Variants in EGFR observed in about 807,000 individuals in gnomAD.
EGFR encodes the protein avian erythroblastic leukemia viral (v-erb-b) oncogene homolog.
In EGFR, 58 loss-of-function variants were observed where a neutral mutation model predicts 143.0. The ratio of observed to expected loss-of-function variants is 0.41; its 90% CI spans 0.33 to 0.50. The LOEUF (loss-of-function observed/expected upper bound fraction) is 0.50. Ranked by LOEUF, EGFR falls within the 20% of genes least tolerant of loss-of-function variation. The pLI, the probability that EGFR is intolerant of heterozygous loss-of-function variation, is 0.39. For synonymous variants in EGFR, 613 were observed against 594.4 expected, an observed-to-expected ratio of 1.03 and a Z score of -0.45; for missense variants, 1,307 against 1,579.0, an observed-to-expected ratio of 0.83 and a Z score of 2.92.
intron 10 of EGFR, among the ~76,000 whole-genome samples, chr7:55,157,461 G>C (rs569404989): frequency 2.6e-5 from 4 of 152,344 alleles, no homozygotes; most frequent in South Asian, 4.1e-4. Flanking sequence ...CGGAAGGCGG[G>C]AGGCAGCTGT....
intron 1 of EGFR, among the ~76,000 whole-genome samples, chr7:55,092,135 T>A (rs940127566): frequency 2.6e-5 from 4 of 152,330 alleles, no homozygotes; most frequent in Admixed American, 6.5e-5. Context: ...TCTTCCATGC[T>A]GCTTGTGGTT....
intron 14 of EGFR, among the ~76,000 whole-genome samples, chr7:55,164,717 C>G (rs556856321): frequency 6.6e-6 from 1 of 152,178 alleles, no homozygotes; most frequent in African/African-American, 2.4e-5. Flanking sequence ...GGGCACACAA[C>G]CTGAGCAGTG....
rs1342670744 is a variant in EGFR at position 55,205,622 on chromosome 7, G to A, written c.*5G>A. The A allele has an allele frequency of 8.7e-6, 14 of 1,614,148 alleles. No individual in the cohort carries two copies. The South Asian group carries it at 1.2e-4, about 14-fold the overall frequency. ...AGTGAATTTATTGGAGCATGACCAC[G>A]GAGGATAGTATGAGCCCTAAAAATC... On this transcript the variant is annotated 3_prime_UTR_variant, in exon 28 of 28. Transcript: ENST00000275493.
intron 1 of EGFR, among the ~76,000 whole-genome samples, chr7:55,071,537 G>A (rs1004675239): frequency 6.6e-6 from 1 of 152,198 alleles, no homozygotes; most frequent in Non-Finnish European, 1.5e-5. Context: ...CACCTGCCCT[G>A]CCTTCACTGG....
chr7:55,207,689 A>T lies in EGFR; in HGVS notation c.*2072A>T, dbSNP rs946216230. ...AGAGGCCTCCACTGCTAAAGTCCAC[A>T]TAAGGCTGAGGTCAGTCACCCTAAA... On this transcript the variant is annotated 3_prime_UTR_variant, in exon 28 of 28. Transcript: ENST00000275493. The T allele has an allele frequency of 1.3e-5, 2 of 153,294 alleles. No individual in the cohort carries two copies. Among genetic ancestry groups the T allele is most frequent in the Admixed American group, 6.5e-5 (1 of 15,310 alleles). The allele number at this position is 153,294 out of a possible 1,614,324, so 9.5% of individuals were successfully genotyped here.
chr7:55,047,182 T>C (rs1788224070), intron 1 of EGFR, among the ~76,000 whole-genome samples: 1 of 152,186 alleles, frequency 6.6e-6, no homozygotes. Context: ...CTGAGCCTCA[T>C]GGCTGCAGGC....
At position 55,165,405 on chromosome 7, in the gene EGFR, G is replaced by A. The variant is rs1186822976; in HGVS notation, c.1848G>A (p.Val616=). 6 of 1,614,116 alleles carry A rather than the reference G, an allele frequency of 3.7e-6. No individual in the cohort carries two copies. The East Asian group carries it at 6.7e-5, about 18-fold the overall frequency. The part of the protein sequence containing the change: ...LVWKYADAGH[V]CHLCHPNCTY... The stretch of plus-strand genomic sequence containing the variant: ...GGAAGTACGCAGACGCCGGCCATGT[G>A]TGCCACCTGTGCCATCCAAACTGCA... The change falls in exon 15 of 28, where the codon GTG becomes GTA. Residue 616 remains valine (V), a synonymous_variant. Transcript: ENST00000275493.
chr7:55,054,984 G>A (rs1788718392), intron 1 of EGFR, among the ~76,000 whole-genome samples: 1 of 152,194 alleles, frequency 6.6e-6, no homozygotes, highest in Non-Finnish European at 1.5e-5. Flanking sequence ...CCTTCACTGG[G>A]GAGCTGCCCT....
intron 1 of EGFR, among the ~76,000 whole-genome samples, chr7:55,105,771 A>G (rs1309452218): frequency 6.6e-6 from 1 of 152,244 alleles, no homozygotes; most frequent in Non-Finnish European, 1.5e-5. Context: ...AAGATTATTT[A>G]TATTAACCAT....
chr7:55,157,546 C>G, intron 10 of EGFR, 117 bp from the exon 11 acceptor site: 2 of 874,258 alleles, frequency 2.3e-6, no homozygotes, highest in Non-Finnish European at 3.8e-6. Flanking sequence ...AAAGCAAATC[C>G]AATTTTCCCA....
Position 55,038,039 on chromosome 7 carries a change from A to G in EGFR, c.88+18674A>G, listed in dbSNP as rs765921835. Among the ~76,000 whole-genome samples the G allele has an allele frequency of 2.0e-5, 3 of 152,208 alleles. 1 individual carries two copies. Among genetic ancestry groups the G allele is most frequent in the African/African-American group, 7.2e-5 (3 of 41,446 alleles). ...TGGGCTGTCCCTATACTGGAGTCCT[A>G]AAACACTTACGACTGCAGATAGGGG... On this transcript the variant is annotated intron_variant, in intron 1 of 27. Transcript: ENST00000275493.
At chr7:55,199,499 C>T (rs1787757311) in intron 23 of EGFR, among the ~76,000 whole-genome samples, 1 of 152,228 alleles carries the variant, frequency 6.6e-6, no homozygotes, top group Admixed American at 6.5e-5. Context: ...TTTCTGAACT[C>T]TAGGCCACAG....
intron 20 of EGFR, 103 bp from the exon 21 acceptor site, chr7:55,191,616 C>A (rs1052218895): frequency 1.3e-6 from 2 of 1,510,604 alleles, no homozygotes; most frequent in East Asian, 2.3e-5. Context: ...AAGTCCTCGA[C>A]GTGGAGAGGC....
intron 1 of EGFR, chr7:55,110,064 G>A (rs918612598): frequency 1.3e-5 from 7 of 530,404 alleles, no homozygotes; most frequent in African/African-American, 4.1e-5. Context: ...TACTGCTGGG[G>A]AGGGAAGAAG....
intron 6 of EGFR, among the ~76,000 whole-genome samples, chr7:55,152,989 T>C (rs577311092): frequency 6.6e-6 from 1 of 152,262 alleles, no homozygotes; most frequent in Non-Finnish European, 1.5e-5. Flanking sequence ...AAGCACTAAA[T>C]ACTACATGCA....
At chr7:55,105,634 T>G (rs1003947198) in intron 1 of EGFR, among the ~76,000 whole-genome samples, 4 of 152,152 alleles carry the variant, frequency 2.6e-5, no homozygotes, top group Admixed American at 2.0e-4. Flanking sequence ...TTAGGGAGCT[T>G]TAGTGCAAAT....
intron 16 of EGFR, 145 bp from the exon 17 acceptor site, chr7:55,172,837 TC>T (rs1469047812): frequency 2.5e-6 from 4 of 1,572,954 alleles, no homozygotes; most frequent in Admixed American, 1.8e-5. Context: ...CTGTTTTTTC[TC>T]CTTTTAGAAG....
intron 10 of EGFR, chr7:55,157,073 C>T: frequency 4.0e-6 from 4 of 1,003,244 alleles, no homozygotes; most frequent in Non-Finnish European, 5.5e-6. Flanking sequence ...CCGCCCGGCC[C>T]CAGCCAGCTG....
intron 16 of EGFR, among the ~76,000 whole-genome samples, chr7:55,171,670 C>CA (rs1299725546): frequency 6.6e-6 from 1 of 152,184 alleles, no homozygotes; most frequent in Non-Finnish European, 1.5e-5. Context: ...CACTGCCCAG[C>CA]AAAGGCAAAA....
Sources: allele counts gnomAD v4.1 joint callset (sites outside exome capture counted in the v4.1 genomes callset), GRCh38; gene constraint gnomAD v4.1.1; transcripts MANE v1.5; gene names NCBI Gene and HGNC (gene_info 2026-07-23, HGNC 2026-07-21).